Variants in PIGG observed in about 807,000 individuals in gnomAD.
The protein encoded by PIGG is phosphatidylinositol glycan anchor biosynthesis class G (EMM blood group), also known as GPI ethanolamine phosphate transferase 2, catalytic subunit.
In PIGG, 70 loss-of-function variants were observed where a neutral mutation model predicts 83.2. The ratio of observed to expected loss-of-function variants is 0.84; its 90% CI spans 0.69 to 1.03. PIGG has a LOEUF of 1.03. Ranked by LOEUF, PIGG falls within the 50% of genes least tolerant of loss-of-function variation. PIGG has a pLI of 0.00. For missense variants in PIGG, 1,257 were observed against 1,233.6 expected (o/e 1.02, Z -0.28); for synonymous variants, 532 against 519.5 (o/e 1.02, Z -0.33).
Position 515,099 on chromosome 4 carries a change from A to G in PIGG, c.902-874A>G, listed in dbSNP as rs769946119. Among the ~76,000 whole-genome samples the G allele has an allele frequency of 6.6e-6, 1 of 152,226 alleles. No individual in the cohort carries two copies. Among genetic ancestry groups the G allele is most frequent in the African/African-American group, 2.4e-5 (1 of 41,466 alleles). ...AACTCGCTACAAAAAACTTACCACA[A>G]TCAAAGTAAAACCTCCCCAGACTCA... On this transcript the variant is annotated intron_variant, in intron 5 of 12. Transcript: ENST00000453061. The surrounding 1 kb of genome is among the most constrained non-coding windows in gnomAD (Gnocchi z 4.2).
At chr4:507,715 C>T (rs1363711402) in intron 4 of PIGG, 122 bp downstream of exon 4, 9 of 826,484 alleles carry the variant, frequency 1.1e-5, no homozygotes, top group Middle Eastern at 3.7e-4. Context: ...GTCTGCTAGC[C>T]AGGGGCCGCA....
Position 499,347 on chromosome 4 carries a change from C to T in PIGG, c.12C>T (p.Gly4=). Residue 4 remains glycine (G), a synonymous_variant, in exon 1 of 13, where the codon GGC becomes GGT. Transcript: ENST00000453061. The stretch of plus-strand genomic sequence containing the variant: ...CTAGCGTGTCCACGATGCGGCTGGG[C>T]TCCGGGACTTTCGCTACCTGTTGCG... The part of the protein sequence containing the change: MRL[G]SGTFATCCVA... The T allele has an allele frequency of 6.2e-7, 1 of 1,608,488 alleles. No individual in the cohort carries two copies. The highest frequency in any genetic ancestry group is 8.5e-7 in the Non-Finnish European group (1 of 1,179,834).
rs374780994 is a variant in PIGG, at chr4:508,916, G to A, written c.847G>A (p.Glu283Lys). 76 of 1,612,842 alleles carry A rather than the reference G, an allele frequency of 4.7e-5. No homozygotes were observed. The highest frequency in any genetic ancestry group is 3.3e-4 in the Middle Eastern group (2 of 6,080). The change falls in exon 5 of 13, where the codon GAG becomes AAG. Residue 283 changes from glutamate (E) to lysine (K), a missense_variant. Coordinates refer to ENST00000453061, the MANE Select transcript of PIGG (RefSeq NM_001127178.3). Reference protein sequence around the residue: ...ETGSHGASSTEEVNTPLILIS... With the variant: ...ETGSHGASSTKEVNTPLILIS... ...AGGAAGTCACGGGGCCTCCTCCACC[G>A]AGGAGGTGAATACACCTCTGATTTT... is the stretch of plus-strand genomic sequence containing the variant.
chr4:514,978 G>A lies in PIGG; in HGVS notation c.902-995G>A, dbSNP rs542830145. On this transcript the variant is annotated intron_variant, in intron 5 of 12. Transcript: ENST00000453061. The stretch of plus-strand genomic sequence containing the variant: ...GAAGAAAGAAGTACTGGAAGAAAAC[G>A]GCCACACTGGAGTGGAAGGTTCTTT... Among the ~76,000 whole-genome samples, 13 of 152,286 alleles carry A rather than the reference G, an allele frequency of 8.5e-5. No homozygotes were observed. The East Asian group carries it at 1.9e-3, about 23-fold the overall frequency.
chr4:539,655 G>T lies in PIGG; in HGVS notation c.*286G>T. On this transcript the variant is annotated 3_prime_UTR_variant, in exon 13 of 13. Transcript: ENST00000453061. ...TAAATCAATGAATGAAAAGGTTCTG[G>T]ACTTTGTTAGAGTCCAGGAGCTCTG... 3.3e-6 allele frequency: 1 copy of T among 305,326 alleles called. No homozygotes were observed. The highest frequency in any genetic ancestry group is 1.0e-3 in the Middle Eastern group (1 of 982). 18.9% of individuals were successfully genotyped at this position (305,326 alleles called of 1,614,324 possible). A position where few individuals can be genotyped will look rare whatever the true frequency, so the allele number is the denominator to read the frequency against.
chr4:523,321 G>A (rs986637891), intron 8 of PIGG, 138 bp from the exon 9 acceptor site: 6 of 708,332 alleles, frequency 8.5e-6, no homozygotes, highest in Non-Finnish European at 1.5e-5. Flanking sequence ...CTGTTCCAGA[G>A]TAGGGGCCCA....
At position 515,575 on chromosome 4, in the gene PIGG, T is replaced by C. The variant is rs989898287; in HGVS notation, c.902-398T>C. On this transcript the variant is annotated intron_variant, in intron 5 of 12. Coordinates refer to ENST00000453061, the MANE Select transcript of PIGG (RefSeq NM_001127178.3). The surrounding 1 kb of genome is among the most constrained non-coding windows in gnomAD (Gnocchi z 4.2). ...AGGGCAGAGCATGGGATGCTCCAAA[T>C]CCAGAGGGGCCGGGCTGTCAGCGAT... is the stretch of plus-strand genomic sequence containing the variant. Among the ~76,000 whole-genome samples the C allele has an allele frequency of 2.0e-5, 3 of 152,208 alleles. No individual in the cohort carries two copies. The highest frequency in any genetic ancestry group is 4.4e-5 in the Non-Finnish European group (3 of 68,032).
chr4:520,454 A>C (rs1426818683), intron 6 of PIGG, among the ~76,000 whole-genome samples: 2 of 151,320 alleles, frequency 1.3e-5, no homozygotes, highest in African/African-American at 4.9e-5. Flanking sequence ...AGCAGAGCTC[A>C]CCCTTGTGAG....
chr4:522,172 A>C (rs1014211702), intron 8 of PIGG: 1 of 605,290 alleles, frequency 1.7e-6, no homozygotes, highest in Non-Finnish European at 2.9e-6. Flanking sequence ...CAGATGCCTC[A>C]GTTCTTGGAA....
intron 5 of PIGG, among the ~76,000 whole-genome samples, chr4:513,419 C>T (rs1214202750): frequency 6.6e-6 from 1 of 152,162 alleles, no homozygotes; most frequent in East Asian, 1.9e-4. Flanking sequence ...CCCACCACCG[C>T]CCACCCCTAG....
At chr4:527,765 A>G (rs1728059112) in intron 10 of PIGG, 1 of 985,292 alleles carries the variant, frequency 1.0e-6, no homozygotes, top group Non-Finnish European at 1.2e-6. Flanking sequence ...CAGGAGGACC[A>G]TTTTATTTTC....
At chr4:533,704 G>A (rs1396953095) in intron 11 of PIGG, 114 bp from the exon 12 acceptor site, 13 of 948,444 alleles carry the variant, frequency 1.4e-5, no homozygotes, top group African/African-American at 4.8e-5. Context: ...CCGTGCCGGC[G>A]TGGTTATCTG....
chr4:508,731 A>G (rs1720799874), intron 4 of PIGG, 98 bp from the exon 5 acceptor site: 1 of 1,058,976 alleles, frequency 9.4e-7, no homozygotes, highest in Non-Finnish European at 1.4e-6. Flanking sequence ...AAGAGCTACA[A>G]CTCTATAAAG....
At chr4:510,267 C>T (rs566201287) in intron 5 of PIGG, among the ~76,000 whole-genome samples, 1 of 152,152 alleles carries the variant, frequency 6.6e-6, no homozygotes, top group Non-Finnish European at 1.5e-5. Context: ...TTATGGGAAA[C>T]GAAGGGATGG....
intron 12 of PIGG, chr4:536,878 T>G (rs920756465): frequency 1.3e-5 from 2 of 152,278 alleles, no homozygotes; most frequent in African/African-American, 2.4e-5. Flanking sequence ...GGGCTGGAAG[T>G]ACTTGCCCGG....
At chr4:521,329 C>A in intron 7 of PIGG, 56 bp downstream of exon 7, 1 of 1,126,604 alleles carries the variant, frequency 8.9e-7, no homozygotes, top group Non-Finnish European at 1.3e-6. Context: ...ATAACTCAGC[C>A]AAATATTTAT....
rs934936250 is a variant in PIGG, at chr4:517,921, T to C, written c.1114+1736T>C. 2.2e-4 allele frequency among the ~76,000 whole-genome samples: 33 copies of C among 152,300 alleles called. 2 individuals carry two copies. The highest frequency in any genetic ancestry group is 1.2e-3 in the Admixed American group (18 of 15,292). ...AGAGCCCGGAGGAAGTCGACTCCTA[T>C]TTGGGGGCAGCAGTTAATGTGGTGT... is the stretch of plus-strand genomic sequence containing the variant. On this transcript the variant is annotated intron_variant, in intron 6 of 12. Transcript: ENST00000453061.
chr4:500,346 C>G (rs1217208139), intron 1 of PIGG, 50 bp from the exon 2 acceptor site: 7 of 1,338,894 alleles, frequency 5.2e-6, no homozygotes, highest in Non-Finnish European at 7.5e-6. Context: ...GTGCTTGATG[C>G]TAAGGAAAGT....
intron 6 of PIGG, among the ~76,000 whole-genome samples, chr4:518,183 A>G (rs1724550639): frequency 6.6e-6 from 1 of 152,260 alleles, no homozygotes; most frequent in South Asian, 2.1e-4. Flanking sequence ...AGTCAAGACC[A>G]GGGACAACAG....
Sources: gnomAD v4.1 joint callset for allele counts (sites outside exome capture counted in the v4.1 genomes callset) on GRCh38, gnomAD v4.1.1 for gene constraint, Gnocchi (gnomAD v3.1) non-coding constraint, MANE v1.5 for transcripts, NCBI Gene and HGNC (gene_info 2026-07-23, HGNC 2026-07-21) for gene names.